Variants in DOCK9 observed in about 807,000 individuals in gnomAD.
DOCK9 encodes the protein dedicator of cytokinesis 9, also known as dedicator of cytokinesis protein 9.
Under a neutral mutation model 263.3 loss-of-function variants are expected in DOCK9, and 89 were observed. The ratio of observed to expected loss-of-function variants is 0.34; its 90% confidence interval spans 0.28 to 0.40. The LOEUF is 0.40. Among genes scored for constraint, DOCK9 ranks in the 10% least tolerant of loss-of-function variants. The pLI, the probability that DOCK9 is intolerant of heterozygous loss-of-function variation, is 1.00. For missense variants in DOCK9, 2,140 were observed against 2,603.4 expected, an observed-to-expected ratio of 0.82 and a Z score of 3.87; for synonymous variants, 976 against 973.1, an observed-to-expected ratio of 1.00 and a Z score of -0.06.
chr13:98,899,173 CAG>C (rs1295864987), intron 13 of DOCK9, among the ~76,000 whole-genome samples: 1 of 151,208 alleles, frequency 6.6e-6, no homozygotes, highest in Non-Finnish European at 1.5e-5. Context: ...TGTAGAAATG[CAG>C]AGTCTCAGGC....
Position 98,928,004 on chromosome 13 carries a change from C to CAA in DOCK9, c.334-2087_334-2086dup, listed in dbSNP as rs74265290. 1.2e-3 allele frequency among the ~76,000 whole-genome samples: 77 copies of CAA among 62,224 alleles called. 1 individual carries two copies. The highest frequency in any genetic ancestry group is 3.0e-3 in the African/African-American group (70 of 23,496). 40.8% of individuals were successfully genotyped at this position (62,224 alleles called of 152,430 possible). Reference sequence around the variant, plus strand: ...TTATAATTATAAGGAATCGCACATACAAAAAAAAAAAAAAACAAAAAAAAA... The same window carrying CAA: ...TTATAATTATAAGGAATCGCACATACAAAAAAAAAAAAAAAAACAAAAAAAAA... On this transcript the variant is annotated intron_variant, in intron 3 of 52. Coordinates refer to ENST00000682017, the MANE Select transcript of DOCK9 (RefSeq NM_001366683.2).
At chr13:98,911,348 G>A (rs555618256) in intron 9 of DOCK9, among the ~76,000 whole-genome samples, 1 of 152,142 alleles carries the variant, frequency 6.6e-6, no homozygotes, top group South Asian at 2.1e-4. Context: ...AATGTTTGAG[G>A]TGATGGCTAT....
rs567461896 is a variant in DOCK9, at chr13:98,969,508, G to C, written c.126+8276C>G. On this transcript the variant is annotated intron_variant, in intron 1 of 52. Transcript: ENST00000682017. ...CATTATATCAGACATCGAATACAAA[G>C]AAAACAAAACCACTCGGGTGGTTCT... Among the ~76,000 whole-genome samples the C allele has an allele frequency of 5.3e-5, 8 of 151,194 alleles. No homozygotes were observed. The South Asian group carries it at 1.7e-3, about 32-fold the overall frequency.
chr13:98,805,013 C>T lies in DOCK9; in HGVS notation c.5711G>A (p.Arg1904His), dbSNP rs769326350. ...QGGVEEQCKR[R>H]TILTAIHCFP... ...GGGGCCCATACCTGTCAGGATGGTG[C>T]GCCGTTTGCACTGCTCTTCCACCCC... is the stretch of plus-strand genomic sequence containing the variant. The change falls in exon 49 of 53, where the codon CGC becomes CAC. Residue 1904 changes from arginine to histidine, a missense_variant. Physicochemically the swap from Arg to His is conservative, Grantham distance 29. Around this residue, in one of 2 missense-constraint regions of DOCK9, gnomAD observed 619 missense variants for 861.8 expected, o/e 0.72. Coordinates refer to ENST00000682017, the MANE Select transcript of DOCK9 (RefSeq NM_001366683.2). The T allele has an allele frequency of 6.9e-6, 11 of 1,604,676 alleles. No individual in the cohort carries two copies. Among genetic ancestry groups the T allele is most frequent in the South Asian group, 4.5e-5 (4 of 89,144 alleles).
chr13:98,949,160 C>T (rs1421450096), intron 2 of DOCK9, among the ~76,000 whole-genome samples: 2 of 152,202 alleles, frequency 1.3e-5, no homozygotes, highest in African/African-American at 2.4e-5. Flanking sequence ...GCAGCCTCAA[C>T]CTGTTGGGCT....
chr13:98,961,452 C>G (rs546009511), intron 1 of DOCK9, among the ~76,000 whole-genome samples: 9 of 152,174 alleles, frequency 5.9e-5, no homozygotes, highest in Admixed American at 6.5e-5. Context: ...CTACAAAGAA[C>G]GCAAATGTGG....
intron 1 of DOCK9, among the ~76,000 whole-genome samples, chr13:98,998,422 C>T: frequency 6.6e-6 from 1 of 152,138 alleles, no homozygotes; most frequent in Non-Finnish European, 1.5e-5. Context: ...GTGGAGCACT[C>T]GAAAATCCTT....
chr13:99,059,496 C>G (rs2041085537), intron 1 of DOCK9, among the ~76,000 whole-genome samples: 1 of 152,048 alleles, frequency 6.6e-6, no homozygotes. Context: ...AGCTATTTCC[C>G]AATGTTCCTC....
intron 39 of DOCK9, among the ~76,000 whole-genome samples, chr13:98,836,779 A>G (rs2093016203): frequency 1.3e-5 from 2 of 152,230 alleles, no homozygotes; most frequent in African/African-American, 4.8e-5. Flanking sequence ...TGAGTAGTGG[A>G]GACAAGTAAA....
intron 45 of DOCK9, among the ~76,000 whole-genome samples, chr13:98,820,242 A>G (rs34557598): frequency 0.025 from 3,750 of 152,352 alleles, 70 homozygotes; most frequent in Non-Finnish European, 0.039. Context: ...CAACAGCACT[A>G]GAACTCACAC....
At chr13:98,875,147 A>G (rs1422804215) in intron 27 of DOCK9, among the ~76,000 whole-genome samples, 4 of 152,292 alleles carry the variant, frequency 2.6e-5, no homozygotes, top group Admixed American at 2.0e-4. Flanking sequence ...TCCAAGCTGA[A>G]CGTTTTCTTT....
intron 1 of DOCK9, among the ~76,000 whole-genome samples, chr13:99,038,166 A>G (rs1888084182): frequency 6.6e-6 from 1 of 152,158 alleles, no homozygotes; most frequent in African/African-American, 2.4e-5. Flanking sequence ...ACAGCCTCTC[A>G]GATTTACTAT....
At position 98,978,027 on chromosome 13, in the gene DOCK9, A is replaced by G. The variant is rs570129163; in HGVS notation, c.-118T>C. On this transcript the variant is annotated 5_prime_UTR_variant, in exon 1 of 53. Coordinates refer to ENST00000682017, the MANE Select transcript of DOCK9 (RefSeq NM_001366683.2). ...AGGAAAGGAAACTGGCTTCCCAGGCACAAGTGGTCAGCCCCGCTGGCTGGG... is the reference window on the plus strand; with the variant it reads ...AGGAAAGGAAACTGGCTTCCCAGGCGCAAGTGGTCAGCCCCGCTGGCTGGG... 2.1e-6 allele frequency: 3 copies of G among 1,451,034 alleles called. No individual in the cohort carries two copies. The Admixed American group carries it at 7.6e-5, about 37-fold the overall frequency. 89.9% of individuals were successfully genotyped at this position (1,451,034 alleles called of 1,614,324 possible). A position where few individuals can be genotyped will look rare whatever the true frequency, so the allele number is the denominator to read the frequency against.
intron 1 of DOCK9, among the ~76,000 whole-genome samples, chr13:99,083,001 T>G (rs904577514): frequency 1.3e-5 from 2 of 152,172 alleles, no homozygotes; most frequent in Non-Finnish European, 2.9e-5. Flanking sequence ...ACGCCTGTAA[T>G]CCCAGCACTT....
In DOCK9 at chr13:98,902,849, T is replaced by C. The variant is rs142859896; in HGVS notation, c.1176+123A>G. 203 of 997,218 alleles carry C rather than the reference T, an allele frequency of 2.0e-4. 2 individuals are homozygous for C. The African/African-American group carries it at 3.0e-3, about 15-fold the overall frequency. 61.8% of individuals were successfully genotyped at this position (997,218 alleles called of 1,614,324 possible). A position where few individuals can be genotyped will look rare whatever the true frequency, so the allele number is the denominator to read the frequency against. On this transcript the variant is annotated intron_variant, in intron 11 of 52. Transcript: ENST00000682017. ...CAGGCTAACAACCTCCATATCCTGA[T>C]CCAAACACTGCACCTCTTTGATACC...
intron 51 of DOCK9, 64 bp downstream of exon 51, chr13:98,797,324 CT>C: frequency 6.2e-7 from 1 of 1,609,494 alleles, no homozygotes; most frequent in South Asian, 1.1e-5. Context: ...GCAGCATCTC[CT>C]TCCCGAATGA....
At chr13:98,880,449 G>A in intron 26 of DOCK9, 98 bp downstream of exon 26, 1 of 1,507,670 alleles carries the variant, frequency 6.6e-7, no homozygotes, top group Non-Finnish European at 9.1e-7. Flanking sequence ...AGTGGTGTTT[G>A]TCTCTAAGAG....
chr13:98,950,022 T>C (rs2057217621), intron 2 of DOCK9: 1 of 482,952 alleles, frequency 2.1e-6, no homozygotes, highest in South Asian at 1.7e-5. Context: ...AGACTTTAGA[T>C]TGGAAATCCC....
At chr13:98,925,958 A>G in intron 3 of DOCK9, 39 bp from the exon 4 acceptor site, 1 of 1,481,542 alleles carries the variant, frequency 6.7e-7, no homozygotes, top group East Asian at 2.4e-5. Context: ...AATAAAAAAC[A>G]GAAAGACGTG....
Sources: allele counts gnomAD v4.1 joint callset (sites outside exome capture counted in the v4.1 genomes callset), GRCh38; gene constraint gnomAD v4.1.1; regional missense constraint gnomAD v4.1.1; transcripts MANE v1.5; gene names NCBI Gene and HGNC (gene_info 2026-07-23, HGNC 2026-07-21).